Variants in USH2A observed in about 807,000 individuals in gnomAD.
USH2A encodes usherin.
In USH2A, 443 loss-of-function variants were observed where a neutral mutation model predicts 538.9. The ratio of observed to expected loss-of-function variants is 0.82; its 90% CI spans 0.76 to 0.89. The LOEUF is 0.89. USH2A is among the 40% of genes least tolerant of loss of function. The pLI is 0.00. For missense variants in USH2A, 6,633 were observed against 6,324.8 expected, an observed-to-expected ratio of 1.05 and a Z score of -1.65; for synonymous variants, 2,413 against 2,273.5, an observed-to-expected ratio of 1.06 and a Z score of -1.75.
chr1:215,905,604 C>T (rs1301691793), intron 38 of USH2A, among the ~76,000 whole-genome samples: 1 of 152,088 alleles, frequency 6.6e-6, no homozygotes, highest in Non-Finnish European at 1.5e-5. Flanking sequence ...TAGAAACTCA[C>T]TTCCAGGGGT....
At chr1:216,070,783 T>C (rs2031533921) in intron 29 of USH2A, among the ~76,000 whole-genome samples, 1 of 151,658 alleles carries the variant, frequency 6.6e-6, no homozygotes, top group South Asian at 2.1e-4. Flanking sequence ...GCAATTGTTT[T>C]TCTAATTAAT....
At chr1:215,850,731 G>A (rs930876433) in intron 44 of USH2A, among the ~76,000 whole-genome samples, 2 of 152,112 alleles carry the variant, frequency 1.3e-5, no homozygotes, top group Non-Finnish European at 2.9e-5. Flanking sequence ...CCCCAAAACT[G>A]CAGAATATAC....
chr1:216,095,099 G>A (rs1016715191), intron 22 of USH2A, among the ~76,000 whole-genome samples: 21 of 152,074 alleles, frequency 1.4e-4, no homozygotes, highest in Non-Finnish European at 4.4e-5. Context: ...ACAGGAAATT[G>A]ATGAGTCTTT....
intron 21 of USH2A, among the ~76,000 whole-genome samples, chr1:216,121,774 T>C (rs1290585417): frequency 6.6e-6 from 1 of 152,210 alleles, no homozygotes; most frequent in Non-Finnish European, 1.5e-5. Context: ...AGTTAGACTA[T>C]TTGAGGAATA....
chr1:216,388,599 C>T (rs2039047702), intron 3 of USH2A, among the ~76,000 whole-genome samples: 1 of 152,188 alleles, frequency 6.6e-6, no homozygotes, highest in Non-Finnish European at 1.5e-5. Context: ...TCACTTTTAA[C>T]ATAAAAGCAG....
At chr1:216,242,563 C>G (rs528953392) in intron 13 of USH2A, among the ~76,000 whole-genome samples, 1 of 151,854 alleles carries the variant, frequency 6.6e-6, no homozygotes. Flanking sequence ...AGAAAAATGA[C>G]TAGTTTTAGA....
At chr1:216,186,294 A>G (rs1332148465) in intron 20 of USH2A, among the ~76,000 whole-genome samples, 2 of 151,432 alleles carry the variant, frequency 1.3e-5, no homozygotes, top group Admixed American at 1.3e-4. Flanking sequence ...TTCATGTTCC[A>G]GCTTCTGCTT....
intron 21 of USH2A, among the ~76,000 whole-genome samples, chr1:216,132,633 C>T (rs1469354456): frequency 1.3e-5 from 2 of 152,138 alleles, no homozygotes; most frequent in African/African-American, 4.8e-5. Context: ...TAGCTACTAT[C>T]TAGTAAATTT....
chr1:215,729,409 A>G (rs1659926643), intron 60 of USH2A, among the ~76,000 whole-genome samples: 2 of 152,202 alleles, frequency 1.3e-5, no homozygotes, highest in African/African-American at 2.4e-5. Context: ...CTTTTCTTAT[A>G]CATCAAGACC....
intron 21 of USH2A, among the ~76,000 whole-genome samples, chr1:216,122,966 T>C (rs1469459238): frequency 6.6e-6 from 1 of 152,162 alleles, no homozygotes; most frequent in Non-Finnish European, 1.5e-5. Context: ...TTTGACAGTA[T>C]AATGACTGAA....
intron 21 of USH2A, among the ~76,000 whole-genome samples, chr1:216,119,071 T>C (rs2033072257): frequency 6.6e-6 from 1 of 152,246 alleles, no homozygotes; most frequent in Non-Finnish European, 1.5e-5. Flanking sequence ...TAAAAATCAC[T>C]AAGCTATTAC....
intron 9 of USH2A, among the ~76,000 whole-genome samples, chr1:216,312,783 G>A (rs2037445244): frequency 6.6e-6 from 1 of 152,044 alleles, no homozygotes; most frequent in South Asian, 2.1e-4. Flanking sequence ...CCATGTCTGA[G>A]TCTCATTCTC....
intron 3 of USH2A, among the ~76,000 whole-genome samples, chr1:216,383,432 A>C (rs2038952502): frequency 6.6e-6 from 1 of 152,224 alleles, no homozygotes; most frequent in Non-Finnish European, 1.5e-5. Context: ...ACATCATATA[A>C]ATTTTTAAAT....
intron 9 of USH2A, 151 bp from the exon 10 acceptor site, chr1:216,292,521 G>T: frequency 1.2e-6 from 1 of 866,766 alleles, no homozygotes; most frequent in Non-Finnish European, 1.7e-6. Flanking sequence ...TCGTAAGTCA[G>T]AAATAGCATA....
intron 4 of USH2A, among the ~76,000 whole-genome samples, chr1:216,359,012 G>T (rs927819626): frequency 1.4e-4 from 22 of 152,030 alleles, no homozygotes; most frequent in Admixed American, 6.6e-5. Flanking sequence ...AGTACTAATG[G>T]GGATTAAATA....
intron 47 of USH2A, among the ~76,000 whole-genome samples, chr1:215,821,092 T>C (rs1663000116): frequency 1.3e-5 from 2 of 151,774 alleles, no homozygotes; most frequent in Non-Finnish European, 3.0e-5. Context: ...TCCTTTCTTT[T>C]GGATATACAC....
intron 16 of USH2A, among the ~76,000 whole-genome samples, chr1:216,202,419 G>C (rs886671489): frequency 6.6e-6 from 1 of 152,190 alleles, no homozygotes; most frequent in Non-Finnish European, 1.5e-5. Flanking sequence ...TAGTGTGAAA[G>C]ATATAAAAGC....
chr1:216,112,134 C>T (rs1380200347), intron 21 of USH2A, among the ~76,000 whole-genome samples: 1 of 152,026 alleles, frequency 6.6e-6, no homozygotes, highest in African/African-American at 2.4e-5. Flanking sequence ...TTATACTCGA[C>T]AAAATAACAG....
intron 21 of USH2A, among the ~76,000 whole-genome samples, chr1:216,141,098 A>C (rs2033593200): frequency 6.6e-6 from 1 of 152,168 alleles, no homozygotes; most frequent in Admixed American, 6.5e-5. Flanking sequence ...TTCTCCATCA[A>C]CCTTCATAAT....
Sources: gnomAD v4.1 joint callset for allele counts (sites outside exome capture counted in the v4.1 genomes callset) on GRCh38, gnomAD v4.1.1 for gene constraint, MANE v1.5 for transcripts, NCBI Gene and HGNC (gene_info 2026-07-23, HGNC 2026-07-21) for gene names.